The following OR6N1 variants were observed in gnomAD, a reference collection of about 807,000 sequenced individuals.
OR6N1 encodes olfactory receptor 6N1.
For missense variants in OR6N1, 394 were observed against 371.7 expected (o/e 1.06, Z -0.49); for synonymous variants, 170 against 150.7 (o/e 1.13, Z -0.94).
the OR6N1 span, among the ~76,000 whole-genome samples, chr1:158,778,266 A>T: frequency 2.0e-5 from 3 of 152,218 alleles, no homozygotes; most frequent in African/African-American, 4.8e-5. Context: ...AGAAGCAGAC[A>T]TCTCAATAGG....
At chr1:158,798,916 G>A in the OR6N1 span, among the ~76,000 whole-genome samples, 2 of 152,076 alleles carry the variant, frequency 1.3e-5, no homozygotes, top group East Asian at 3.9e-4. Flanking sequence ...CACAAACCGG[G>A]CAGGCTGGCT....
chr1:158,836,136 T>C, the OR6N1 span, among the ~76,000 whole-genome samples: 4 of 135,656 alleles, frequency 2.9e-5, no homozygotes, highest in East Asian at 7.2e-4. Flanking sequence ...TTCGCTAGCA[T>C]TTTGTAAAAA....
At chr1:158,808,516 G>T in the OR6N1 span, 2 of 153,234 alleles carry the variant, frequency 1.3e-5, no homozygotes, top group African/African-American at 4.8e-5. Context: ...CATAAACCAA[G>T]GCAACAAGCT....
intron 1 of OR6N1, among the ~76,000 whole-genome samples, chr1:158,770,234 A>G (rs533880415): frequency 1.3e-5 from 2 of 152,312 alleles, no homozygotes; most frequent in East Asian, 3.9e-4. Flanking sequence ...AAGACTTATT[A>G]TCACACTATA....
the OR6N1 span, among the ~76,000 whole-genome samples, chr1:158,826,636 G>A: frequency 0.056 from 8,504 of 152,232 alleles, 711 homozygotes; most frequent in African/African-American, 0.19. Flanking sequence ...AACGTGTAGA[G>A]TATTACAGAG....
chr1:158,805,604 T>C, the OR6N1 span, among the ~76,000 whole-genome samples: 1 of 152,082 alleles, frequency 6.6e-6, no homozygotes, highest in African/African-American at 2.4e-5. Context: ...TGAGAAGCTC[T>C]GCGCTAAAGA....
the OR6N1 span, among the ~76,000 whole-genome samples, chr1:158,833,422 C>A: frequency 6.6e-6 from 1 of 152,170 alleles, no homozygotes; most frequent in East Asian, 1.9e-4. Flanking sequence ...TGCAACCAAC[C>A]TCCAGAACGC....
upstream of OR6N1, among the ~76,000 whole-genome samples, chr1:158,773,690 G>A (rs1323765119): frequency 2.0e-5 from 3 of 151,846 alleles, no homozygotes; most frequent in Non-Finnish European, 4.4e-5. Flanking sequence ...CCCACCACAT[G>A]TATTAAAAGA....
the OR6N1 span, among the ~76,000 whole-genome samples, chr1:158,837,034 T>C: frequency 6.6e-6 from 1 of 151,878 alleles, no homozygotes; most frequent in Non-Finnish European, 1.5e-5. Context: ...GATTTCTACT[T>C]TTATTCCATT....
At chr1:158,789,032 A>G in the OR6N1 span, among the ~76,000 whole-genome samples, 1 of 152,164 alleles carries the variant, frequency 6.6e-6, no homozygotes, top group Non-Finnish European at 1.5e-5. Flanking sequence ...CTGGTAACCA[A>G]CAACCAACTT....
the OR6N1 span, among the ~76,000 whole-genome samples, chr1:158,793,906 A>G: frequency 6.6e-6 from 1 of 152,094 alleles, no homozygotes; most frequent in Admixed American, 6.6e-5. Flanking sequence ...CAGGAGGAGG[A>G]GCAGGAGCCA....
chr1:158,829,801 T>C, the OR6N1 span, among the ~76,000 whole-genome samples: 1 of 152,222 alleles, frequency 6.6e-6, no homozygotes, highest in Non-Finnish European at 1.5e-5. Context: ...GAAAGAATCT[T>C]ATTGGACTTA....
the OR6N1 span, among the ~76,000 whole-genome samples, chr1:158,803,999 AAAG>A: frequency 1.3e-5 from 2 of 152,214 alleles, no homozygotes; most frequent in Admixed American, 6.5e-5. Flanking sequence ...AGTTTTTAAG[AAAG>A]AAGAAGCCTT....
the OR6N1 span, among the ~76,000 whole-genome samples, chr1:158,828,561 C>A: frequency 1.3e-5 from 2 of 152,218 alleles, no homozygotes; most frequent in African/African-American, 4.8e-5. Context: ...CAGCTCCACC[C>A]CTGTGGTTTT....
chr1:158,805,469 G>C, the OR6N1 span, among the ~76,000 whole-genome samples: 1 of 152,106 alleles, frequency 6.6e-6, no homozygotes, highest in Admixed American at 6.5e-5. Context: ...GAACAGAAAG[G>C]CCACTTACTG....
the OR6N1 span, among the ~76,000 whole-genome samples, chr1:158,811,335 C>A: frequency 6.6e-6 from 1 of 152,332 alleles, no homozygotes; most frequent in East Asian, 1.9e-4. Context: ...ATCATTTATT[C>A]ATTGATTTAA....
the OR6N1 span, among the ~76,000 whole-genome samples, chr1:158,788,977 G>T: frequency 6.6e-6 from 1 of 152,110 alleles, no homozygotes; most frequent in Admixed American, 6.5e-5. Flanking sequence ...CATAGAAATT[G>T]ACAAAATATG....
chr1:158,771,588 C>T (rs188248615), intron 1 of OR6N1, among the ~76,000 whole-genome samples: 214 of 152,316 alleles, frequency 1.4e-3, no homozygotes, highest in African/African-American at 5.0e-3. Context: ...AGAATATATG[C>T]CTTGCATTCT....
the OR6N1 span, among the ~76,000 whole-genome samples, chr1:158,823,572 G>A: frequency 6.6e-6 from 1 of 151,738 alleles, no homozygotes; most frequent in Non-Finnish European, 1.5e-5. Context: ...TGGCATTTCT[G>A]ATTGTGCTTA....
Sources: gnomAD v4.1 joint callset for allele counts (sites outside exome capture counted in the v4.1 genomes callset) on GRCh38, gnomAD v4.1.1 for gene constraint, MANE v1.5 for transcripts, NCBI Gene and HGNC (gene_info 2026-07-23, HGNC 2026-07-21) for gene names.